Variants in ANKAR observed in about 807,000 individuals in gnomAD.
ANKAR encodes the protein ankyrin and armadillo repeat-containing protein.
Under a neutral mutation model 146.2 loss-of-function variants are expected in ANKAR, and 136 were observed. That is an observed-to-expected ratio of 0.93 (90% CI 0.81 to 1.07). The LOEUF is 1.07. Among genes scored for constraint, ANKAR ranks in the 50% least tolerant of loss-of-function variants. The pLI is 0.00. For missense variants in ANKAR, 1,567 were observed against 1,679.9 expected (o/e 0.93, Z 1.18); for synonymous variants, 500 against 575.8 (o/e 0.87, Z 1.88).
intron 2 of ANKAR, among the ~76,000 whole-genome samples, chr2:189,678,899 G>T (rs1559049717): frequency 6.6e-6 from 1 of 152,096 alleles, no homozygotes; most frequent in Non-Finnish European, 1.5e-5. Context: ...TCTTGCTTTA[G>T]CTATGTGGGC....
chr2:189,718,702 G>A (rs1444288240), intron 10 of ANKAR, among the ~76,000 whole-genome samples: 1 of 150,782 alleles, frequency 6.6e-6, no homozygotes, highest in Non-Finnish European at 1.5e-5. Flanking sequence ...TTAAATTGAT[G>A]TAAGTATAAC....
chr2:189,762,775 C>G (rs1362763630), downstream of ANKAR: 4 of 985,390 alleles, frequency 4.1e-6, no homozygotes, highest in Non-Finnish European at 4.8e-6. Context: ...AAGCCCGAAC[C>G]TGGCGCCCGG....
intron 5 of ANKAR, among the ~76,000 whole-genome samples, chr2:189,693,998 G>A (rs913279266): frequency 3.3e-5 from 5 of 151,950 alleles, no homozygotes; most frequent in Non-Finnish European, 7.4e-5. Flanking sequence ...ATCTGCCCAC[G>A]TCAGCCTCCC....
At chr2:189,681,354 C>A (rs537737903) in intron 2 of ANKAR, among the ~76,000 whole-genome samples, 1 of 152,302 alleles carries the variant, frequency 6.6e-6, no homozygotes, top group East Asian at 1.9e-4. Context: ...CTCTTGCTTA[C>A]TTGATGACAA....
chr2:189,736,952 T>C (rs2042910969), intron 17 of ANKAR, among the ~76,000 whole-genome samples: 1 of 151,852 alleles, frequency 6.6e-6, no homozygotes, highest in Non-Finnish European at 1.5e-5. Context: ...CACACGCCTT[T>C]GGTCTTAGCT....
rs2033230270 is a variant in ANKAR, at chr2:189,674,746, T to G, written c.-120T>G. On this transcript the variant is annotated 5_prime_UTR_variant, in exon 1 of 23. Transcript: ENST00000684021. ...ATTCAAGGCCCCGCGAGAAGCCATC[T>G]GAGGCGGCGACGACTGTTCTCAGCC... The G allele has an allele frequency of 6.6e-6, 1 of 152,296 alleles. No homozygotes were observed. Among genetic ancestry groups the G allele is most frequent in the Admixed American group, 6.6e-5 (1 of 15,262 alleles). The allele number at this position is 152,296 out of a possible 1,614,324, so 9.4% of individuals were successfully genotyped here.
chr2:189,734,175 G>A (rs1052968226), intron 17 of ANKAR, among the ~76,000 whole-genome samples: 8 of 152,070 alleles, frequency 5.3e-5, no homozygotes, highest in Non-Finnish European at 7.4e-5. Flanking sequence ...TTGATTACTC[G>A]GTTAAAATGG....
chr2:189,755,504 C>G (rs377465918), intron 18 of ANKAR: 2 of 1,601,788 alleles, frequency 1.2e-6, no homozygotes, highest in Non-Finnish European at 1.7e-6. Flanking sequence ...TTGTACTATT[C>G]GTTGAATATT....
At chr2:189,700,361 T>C (rs1272324901) in intron 7 of ANKAR, among the ~76,000 whole-genome samples, 1 of 152,196 alleles carries the variant, frequency 6.6e-6, no homozygotes, top group Non-Finnish European at 1.5e-5. Context: ...TAGTAATGTG[T>C]TTTCCTCTGG....
At chr2:189,741,482 TAAATATGCTAA>T in intron 20 of ANKAR, 31 bp downstream of exon 20, 1 of 1,495,056 alleles carries the variant, frequency 6.7e-7, no homozygotes, top group Non-Finnish European at 9.2e-7. Context: ...ATTCTAAAAT[TAAATATGCTAA>T]AAATATAATT....
chr2:189,746,007 T>A (rs1003378217), intron 22 of ANKAR, among the ~76,000 whole-genome samples: 10 of 152,342 alleles, frequency 6.6e-5, no homozygotes, highest in Non-Finnish European at 1.3e-4. Context: ...TTCACAGGTT[T>A]GTAGTAACAT....
chr2:189,745,153 T>C (rs1236221464), intron 22 of ANKAR, among the ~76,000 whole-genome samples: 1 of 151,912 alleles, frequency 6.6e-6, no homozygotes, highest in Non-Finnish European at 1.5e-5. Flanking sequence ...ATCGCACCAC[T>C]GCACTCTGGC....
chr2:189,729,514 A>G (rs1044840166), intron 15 of ANKAR, among the ~76,000 whole-genome samples: 1 of 152,202 alleles, frequency 6.6e-6, no homozygotes, highest in Non-Finnish European at 1.5e-5. Flanking sequence ...CACAATTCCA[A>G]GATAATCAGC....
At chr2:189,756,707 G>A (rs16831972) in intron 18 of ANKAR, among the ~76,000 whole-genome samples, 17,337 of 151,788 alleles carry the variant, frequency 0.11, 1,179 homozygotes, top group Middle Eastern at 0.17. Context: ...CTCACTCTCC[G>A]CATTTAAGTT....
intron 18 of ANKAR, chr2:189,753,765 TGTTA>T: frequency 2.5e-6 from 2 of 803,444 alleles, no homozygotes; most frequent in Non-Finnish European, 3.8e-6. Context: ...AAGAAATGGC[TGTTA>T]GTCTTTCCTA....
At chr2:189,754,309 A>G in intron 18 of ANKAR, 1 of 1,611,158 alleles carries the variant, frequency 6.2e-7, no homozygotes, top group Non-Finnish European at 8.5e-7. Flanking sequence ...ATGGTGGAGC[A>G]CTCTGGATGT....
At chr2:189,726,006 A>G (rs191546297) in intron 12 of ANKAR, among the ~76,000 whole-genome samples, 1 of 152,326 alleles carries the variant, frequency 6.6e-6, no homozygotes, top group Non-Finnish European at 1.5e-5. Flanking sequence ...AAACAAATAA[A>G]TAGAGAATAA....
downstream of ANKAR, chr2:189,746,742 G>A: frequency 8.7e-7 from 1 of 1,147,264 alleles, no homozygotes; most frequent in South Asian, 1.9e-5. Context: ...GAAAGTTCTT[G>A]ATCTCGATAC....
Position 189,737,714 on chromosome 2 carries a change from C to G in ANKAR, c.3455C>G (p.Thr1152Arg). Residue 1152 changes from threonine to arginine, a missense_variant, in exon 18 of 23, where the codon ACA (threonine) becomes AGA (arginine). By Grantham distance (71) the Thr-to-Arg change is moderately conservative (BLOSUM62 -1). Transcript: ENST00000684021. ...TGCTTAAGAGCAGGCTATGCATTAA[C>G]ACTTTTTGCCTTCAATAATCGCTTT... ...DICLRAGYALTLFAFNNRFQQ... is the reference protein window; with the variant it reads ...DICLRAGYALRLFAFNNRFQQ... 1 of 1,598,184 alleles carries G rather than the reference C, an allele frequency of 6.3e-7. No homozygotes were observed. The highest frequency in any genetic ancestry group is 2.3e-5 in the East Asian group (1 of 44,120).
Sources: gnomAD v4.1 joint callset for allele counts (sites outside exome capture counted in the v4.1 genomes callset) on GRCh38, gnomAD v4.1.1 for gene constraint, MANE v1.5 for transcripts, NCBI Gene and HGNC (gene_info 2026-07-23, HGNC 2026-07-21) for gene names.